Variants in ZFHX3 observed in about 807,000 individuals in gnomAD.
ZFHX3 encodes the protein zinc finger homeobox 3, also known as zinc finger homeobox protein 3.
Under a neutral mutation model 279.1 loss-of-function variants are expected in ZFHX3, and 42 were observed. That is an observed-to-expected ratio of 0.15 (90% CI 0.12 to 0.19). The LOEUF is 0.19. Ranked by LOEUF, ZFHX3 falls within the 10% of genes least tolerant of loss-of-function variation. The pLI, the probability that ZFHX3 is intolerant of heterozygous loss-of-function variation, is 1.00. For synonymous variants in ZFHX3, 2,293 were observed against 1,957.8 expected (o/e 1.17, Z -4.52); for missense variants, 4,981 against 4,754.0 (o/e 1.05, Z -1.40).
chr16:73,497,621 G>A (rs370632541), intron 2 of ZFHX3, among the ~76,000 whole-genome samples: 1 of 152,080 alleles, frequency 6.6e-6, no homozygotes, highest in Non-Finnish European at 1.5e-5. Flanking sequence ...AGTGGACAAT[G>A]TTCACGCCAC....
chr16:73,881,605 C>T (rs1274459764), intron 1 of ZFHX3, among the ~76,000 whole-genome samples: 1 of 151,110 alleles, frequency 6.6e-6, no homozygotes, highest in Non-Finnish European at 1.5e-5. Flanking sequence ...TGTTATTAAC[C>T]ACACTTTTAA....
chr16:72,918,723 C>G (rs1200830878), intron 3 of ZFHX3, among the ~76,000 whole-genome samples: 1 of 148,066 alleles, frequency 6.8e-6, no homozygotes, highest in Non-Finnish European at 1.5e-5. Context: ...TTAAATGGAG[C>G]CTTGCTCTGT....
chr16:73,473,339 CAAAA>C (rs11347779), intron 2 of ZFHX3, among the ~76,000 whole-genome samples: 3 of 76,656 alleles, frequency 3.9e-5, no homozygotes, highest in African/African-American at 5.9e-5. Flanking sequence ...TGTCTCAAAG[CAAAA>C]AAAAAAAAAA....
chr16:73,197,261 T>G (rs1421613117), intron 5 of ZFHX3, among the ~76,000 whole-genome samples: 1 of 152,210 alleles, frequency 6.6e-6, no homozygotes, highest in African/African-American at 2.4e-5. Flanking sequence ...TACAATGTCA[T>G]AAACAATGGA....
chr16:72,942,460 T>C (rs910812256), intron 3 of ZFHX3, among the ~76,000 whole-genome samples: 2 of 152,170 alleles, frequency 1.3e-5, no homozygotes, highest in Admixed American at 6.6e-5. Flanking sequence ...GAGGTTTCTC[T>C]CTCATAAGAA....
intron 7 of ZFHX3, chr16:73,099,179 T>C (rs1966201382): frequency 6.6e-6 from 1 of 152,224 alleles, no homozygotes; most frequent in South Asian, 2.1e-4. Flanking sequence ...CTTCCTGAAA[T>C]AATCTCTTGG....
At chr16:73,819,686 C>T (rs1246049968) in intron 1 of ZFHX3, among the ~76,000 whole-genome samples, 2 of 151,926 alleles carry the variant, frequency 1.3e-5, no homozygotes, top group African/African-American at 2.4e-5. Flanking sequence ...AATTAGCCAC[C>T]ATAAGGCAAG....
chr16:73,168,264 T>TTTCTTTCTTTCTTTCTTTC (rs1363591241), intron 5 of ZFHX3, among the ~76,000 whole-genome samples: 1 of 150,350 alleles, frequency 6.7e-6, no homozygotes, highest in African/African-American at 2.5e-5. Flanking sequence ...TCTTTCTTTC[T>TTTCTTTCTTTCTTTCTTTC]TTCTTTCTTT....
At chr16:72,904,385 A>C in intron 3 of ZFHX3, among the ~76,000 whole-genome samples, 1 of 141,280 alleles carries the variant, frequency 7.1e-6, no homozygotes, top group Non-Finnish European at 1.5e-5. Context: ...TAAATAAATA[A>C]ATAAATAAAT....
intron 4 of ZFHX3, among the ~76,000 whole-genome samples, chr16:72,882,977 G>GGGGTGTGT (rs1371954934): frequency 7.6e-5 from 5 of 65,442 alleles, no homozygotes; most frequent in African/African-American, 2.0e-4. Flanking sequence ...ACCACTCTGG[G>GGGGTGTGT]GTGTGTGTGT....
At chr16:72,884,443 G>C (rs921044502) in intron 4 of ZFHX3, among the ~76,000 whole-genome samples, 4 of 152,334 alleles carry the variant, frequency 2.6e-5, no homozygotes, top group African/African-American at 9.6e-5. Flanking sequence ...CTAGTCATCA[G>C]TGTGTCCATA....
At chr16:73,099,710 CAAA>C (rs756694525) in intron 7 of ZFHX3, among the ~76,000 whole-genome samples, 14 of 90,948 alleles carry the variant, frequency 1.5e-4, no homozygotes, top group African/African-American at 4.5e-4. Context: ...GACTCCATCT[CAAA>C]AAAAAAAAAA....
At chr16:73,702,437 T>C (rs913300897) in intron 1 of ZFHX3, among the ~76,000 whole-genome samples, 2 of 152,158 alleles carry the variant, frequency 1.3e-5, no homozygotes, top group Non-Finnish European at 2.9e-5. Flanking sequence ...TCTTCCAGGA[T>C]TCACAGACAG....
chr16:73,072,300 C>T (rs571111243), intron 8 of ZFHX3, among the ~76,000 whole-genome samples: 2 of 152,042 alleles, frequency 1.3e-5, no homozygotes, highest in African/African-American at 4.8e-5. Flanking sequence ...CAAAATTTAG[C>T]CAGGCGTGGT....
intron 1 of ZFHX3, among the ~76,000 whole-genome samples, chr16:72,991,351 A>G (rs1963081767): frequency 1.3e-5 from 2 of 152,210 alleles, no homozygotes; most frequent in Non-Finnish European, 2.9e-5. Context: ...CAGACATTCC[A>G]CTAAGTGTCT....
intron 5 of ZFHX3, among the ~76,000 whole-genome samples, chr16:73,161,895 G>T (rs1007995895): frequency 6.6e-6 from 1 of 152,206 alleles, no homozygotes; most frequent in Non-Finnish European, 1.5e-5. Flanking sequence ...ACTTTCAACT[G>T]AGAAGAAGAG....
rs139383948 is a variant in ZFHX3, at chr16:73,084,722, G to A, written c.-533+8513C>T. On this transcript the variant is annotated intron_variant, in intron 8 of 17. Transcript: ENST00000641206. ...TTTTTAGTAGAGATGGGGTTTCACC[G>A]TGTTAGCCAGGATGGTCTCGATCTC... is the stretch of plus-strand genomic sequence containing the variant. 8.8e-4 allele frequency among the ~76,000 whole-genome samples: 133 copies of A among 151,842 alleles called. 1 individual carries two copies. The East Asian group carries it at 0.017, about 19-fold the overall frequency.
At chr16:73,539,934 TCA>T (rs1249436728) in intron 2 of ZFHX3, among the ~76,000 whole-genome samples, 2 of 152,194 alleles carry the variant, frequency 1.3e-5, no homozygotes, top group Non-Finnish European at 2.9e-5. Flanking sequence ...CTCCCCACAC[TCA>T]CACATATGAA....
At chr16:73,491,427 C>T (rs1181327857) in intron 2 of ZFHX3, among the ~76,000 whole-genome samples, 1 of 152,220 alleles carries the variant, frequency 6.6e-6, no homozygotes, top group African/African-American at 2.4e-5. Context: ...CACCAACTGT[C>T]TGCCACAGGC....
Sources: allele counts gnomAD v4.1 joint callset (sites outside exome capture counted in the v4.1 genomes callset), GRCh38; gene constraint gnomAD v4.1.1; transcripts MANE v1.5; gene names NCBI Gene and HGNC (gene_info 2026-07-23, HGNC 2026-07-21).